Variants in SPINK5 observed in about 807,000 individuals in gnomAD.
The protein encoded by SPINK5 is serine protease inhibitor Kazal-type 5.
Under a neutral mutation model 151.8 loss-of-function variants are expected in SPINK5, and 125 were observed. That is an observed-to-expected ratio of 0.82 (90% confidence interval 0.71 to 0.96). The LOEUF is 0.96. SPINK5 is among the 40% of genes least tolerant of loss of function. The pLI is 0.00. For missense variants in SPINK5, 1,194 were observed against 1,291.9 expected (o/e 0.92, Z 1.16); for synonymous variants, 374 against 395.3 (o/e 0.95, Z 0.64).
At chr5:148,068,828 C>T (rs914883692) in intron 2 of SPINK5, among the ~76,000 whole-genome samples, 1 of 152,006 alleles carries the variant, frequency 6.6e-6, no homozygotes, top group African/African-American at 2.4e-5. Flanking sequence ...TCACTGGGTA[C>T]AGTGGCTCAT....
chr5:148,116,238 G>A, intron 21 of SPINK5, 132 bp from the exon 22 acceptor site: 1 of 864,486 alleles, frequency 1.2e-6, no homozygotes, highest in South Asian at 1.4e-5. Flanking sequence ...AAGGCCTGCA[G>A]CATAGTAGAT....
intron 32 of SPINK5, among the ~76,000 whole-genome samples, chr5:148,135,488 A>G (rs764077953): frequency 2.0e-5 from 3 of 152,350 alleles, no homozygotes; most frequent in Non-Finnish European, 2.9e-5. Flanking sequence ...GGTGTTGTAA[A>G]AGAGTGCCGT....
intron 19 of SPINK5, 29 bp downstream of exon 19, chr5:148,111,924 T>C (rs1314571599): frequency 6.2e-7 from 1 of 1,613,846 alleles, no homozygotes; most frequent in East Asian, 2.2e-5. Flanking sequence ...CTGCTGCTAC[T>C]GAGTGTGGGA....
At chr5:148,102,149 C>A (rs993592968) in intron 15 of SPINK5, among the ~76,000 whole-genome samples, 12 of 151,992 alleles carry the variant, frequency 7.9e-5, no homozygotes, top group African/African-American at 2.9e-4. Flanking sequence ...TGTGTGATGT[C>A]TCTTATATGT....
At chr5:148,107,218 G>A (rs1753807370) in intron 17 of SPINK5, 54 bp downstream of exon 17, 51 of 1,578,658 alleles carry the variant, frequency 3.2e-5, no homozygotes, top group Non-Finnish European at 4.2e-5. Context: ...GATCGCCCCT[G>A]AGTCTCAGAT....
chr5:148,104,313 C>A (rs1753723828), intron 15 of SPINK5, among the ~76,000 whole-genome samples: 1 of 152,074 alleles, frequency 6.6e-6, no homozygotes, highest in Admixed American at 6.6e-5. Flanking sequence ...TGCTATACTG[C>A]CTCTCAGAAG....
chr5:148,067,287 G>T (rs533662210), intron 2 of SPINK5, among the ~76,000 whole-genome samples: 2 of 152,254 alleles, frequency 1.3e-5, no homozygotes, highest in South Asian at 4.1e-4. Context: ...GAGGGAAACA[G>T]GAAGAACTTG....
chr5:148,127,088 G>T lies in SPINK5; in HGVS notation c.2964+9G>T. 2.5e-6 allele frequency: 4 copies of T among 1,601,804 alleles called. No individual in the cohort carries two copies. Among genetic ancestry groups the T allele is most frequent in the South Asian group, 1.1e-5 (1 of 90,162 alleles). On this transcript the variant is annotated intron_variant, in intron 30 of 32. Coordinates refer to ENST00000256084, the MANE Select transcript of SPINK5 (RefSeq NM_006846.4). ...ACTCTTTCAGTTCTCTGGTAAGGAG[G>T]ACTATTTCTGAAAAGCTACTTATCA...
rs771646677 is a variant in SPINK5, at chr5:148,108,759, TGAAGAA to T, written c.1620_1625del (p.Glu541_Glu542del). On this transcript the variant is annotated inframe_deletion, in exon 18 of 33. Transcript: ENST00000256084. ...TCTTCTTTTTCTATTACAGCAAACT[TGAAGAA>T]GAAGAGAAGAAAAATGATAAAGAAG... 1 of 1,610,828 alleles carries T rather than the reference TGAAGAA, an allele frequency of 6.2e-7. No homozygotes were observed. The highest frequency in any genetic ancestry group is 8.5e-7 in the Non-Finnish European group (1 of 1,177,914).
chr5:148,088,951 A>T, intron 6 of SPINK5: 2 of 477,332 alleles, frequency 4.2e-6, no homozygotes, highest in Non-Finnish European at 8.2e-6. Context: ...TGCTGTTTGG[A>T]GACCTTGGAC....
intron 4 of SPINK5, among the ~76,000 whole-genome samples, chr5:148,077,924 G>T (rs573441557): frequency 3.6e-4 from 55 of 150,992 alleles, no homozygotes; most frequent in African/African-American, 1.3e-3. Flanking sequence ...AAAGCATATT[G>T]AAAACAAATA....
intron 3 of SPINK5, 87 bp downstream of exon 3, chr5:148,070,537 G>A: frequency 6.4e-7 from 1 of 1,555,806 alleles, no homozygotes; most frequent in South Asian, 1.1e-5. Flanking sequence ...TCTTTCAAGT[G>A]CATTTTTCTA....
chr5:148,084,161 T>C (rs1753093240), intron 4 of SPINK5, among the ~76,000 whole-genome samples: 1 of 151,968 alleles, frequency 6.6e-6, no homozygotes, highest in Admixed American at 6.6e-5. Context: ...TATTTTTTAC[T>C]TGTCAGATAT....
At chr5:148,101,542 A>G in intron 14 of SPINK5, 106 bp downstream of exon 14, 1 of 1,093,390 alleles carries the variant, frequency 9.1e-7, no homozygotes, top group South Asian at 1.3e-5. Flanking sequence ...ACAATTGTAC[A>G]GTTTGTGTTT....
chr5:148,131,852 T>C (rs1306182499), intron 31 of SPINK5, among the ~76,000 whole-genome samples: 1 of 152,144 alleles, frequency 6.6e-6, no homozygotes, highest in Non-Finnish European at 1.5e-5. Flanking sequence ...AAGTAGTACC[T>C]TGCAAAAGGA....
intron 4 of SPINK5, among the ~76,000 whole-genome samples, chr5:148,074,283 A>AG (rs1454611915): frequency 6.6e-6 from 1 of 151,742 alleles, no homozygotes; most frequent in East Asian, 1.9e-4. Flanking sequence ...TCCCGACTCT[A>AG]GTATTCCCTC....
chr5:148,094,396 C>G lies in SPINK5; in HGVS notation c.709C>G (p.Leu237Val). 6.2e-7 allele frequency: 1 copy of G among 1,612,708 alleles called. No homozygotes were observed. Among genetic ancestry groups the G allele is most frequent in the Non-Finnish European group, 8.5e-7 (1 of 1,179,074 alleles). The change falls in exon 9 of 33, where the codon CTT becomes GTT. Residue 237 changes from leucine to valine, a missense_variant. Coordinates refer to ENST00000256084, the MANE Select transcript of SPINK5 (RefSeq NM_006846.4). ...TGAAAAACAAGTGAGAAATGGAAGG[C>G]TTTTTTGTACACGGGAGAGTGATCC... ...EYEKQVRNGRLFCTRESDPVR... is the reference protein window; with the variant it reads ...EYEKQVRNGRVFCTRESDPVR...
At chr5:148,101,467 G>C in intron 14 of SPINK5, 31 bp downstream of exon 14, 1 of 1,506,808 alleles carries the variant, frequency 6.6e-7, no homozygotes. Flanking sequence ...AACTCAGAGG[G>C]ATATGGCCCT....
chr5:148,073,490 A>G (rs1204385508), intron 4 of SPINK5, among the ~76,000 whole-genome samples: 2 of 151,896 alleles, frequency 1.3e-5, no homozygotes, highest in African/African-American at 4.8e-5. Context: ...AGAAAGGTTT[A>G]GTGGCAACTT....
Sources: gnomAD v4.1 joint callset for allele counts (sites outside exome capture counted in the v4.1 genomes callset) on GRCh38, gnomAD v4.1.1 for gene constraint, MANE v1.5 for transcripts, NCBI Gene and HGNC (gene_info 2026-07-23, HGNC 2026-07-21) for gene names.